The following PPA1 variants were observed in gnomAD, a reference collection of about 807,000 sequenced individuals.
The protein encoded by PPA1 is inorganic pyrophosphatase.
In PPA1, 23 loss-of-function variants were observed where a neutral mutation model predicts 41.8. The ratio of observed to expected loss-of-function variants is 0.55; its 90% CI spans 0.40 to 0.78. The LOEUF is 0.78. Among genes scored for constraint, PPA1 ranks in the 30% least tolerant of loss-of-function variants. PPA1 has a pLI of 0.00. For missense variants in PPA1, 320 were observed against 361.6 expected, an observed-to-expected ratio of 0.89 and a Z score of 0.93; for synonymous variants, 101 against 116.8, an observed-to-expected ratio of 0.86 and a Z score of 0.87.
intron 2 of PPA1, among the ~76,000 whole-genome samples, chr10:70,223,096 G>A (rs1485623306): frequency 6.6e-6 from 1 of 152,096 alleles, no homozygotes; most frequent in East Asian, 1.9e-4. Flanking sequence ...CAGGCGTGGC[G>A]ACTAACGTCT....
Position 70,214,598 on chromosome 10 carries a change from A to C in PPA1, c.298-12T>G. 6.3e-7 allele frequency: 1 copy of C among 1,598,214 alleles called. No individual in the cohort carries two copies. Among genetic ancestry groups the C allele is most frequent in the South Asian group, 1.1e-5 (1 of 90,584 alleles). On this transcript the variant is annotated splice_polypyrimidine_tract_variant and intron_variant, in intron 4 of 10. Coordinates refer to ENST00000373232, the MANE Select transcript of PPA1 (RefSeq NM_021129.4). The stretch of plus-strand genomic sequence containing the variant: ...GGGTCTTCCCAAGTCTAAAAATATA[A>C]GACAGTGTATATCATTCCTATACAT...
chr10:70,210,284 C>T (rs1840002046), intron 6 of PPA1: 2 of 878,442 alleles, frequency 2.3e-6, no homozygotes, highest in African/African-American at 1.7e-5. Context: ...GTCATGTTGC[C>T]CAGGCTGGTC....
chr10:70,221,005 C>T lies in PPA1; in HGVS notation c.124-2188G>A, dbSNP rs59512227. Among the ~76,000 whole-genome samples the T allele has an allele frequency of 6.4e-4, 27 of 42,510 alleles. 1 individual carries two copies. Among genetic ancestry groups the T allele is most frequent in the African/African-American group, 3.3e-3 (25 of 7,522 alleles). 27.9% of individuals were successfully genotyped at this position (42,510 alleles called of 152,430 possible). On this transcript the variant is annotated intron_variant, in intron 2 of 10. Coordinates refer to ENST00000373232, the MANE Select transcript of PPA1 (RefSeq NM_021129.4). ...CTATATATATAATTTATATATATAA[C>T]ATATATATAATTTATATATATAATA...
At position 70,203,252 on chromosome 10, in the gene PPA1, T is replaced by C. The variant is rs944553108; in HGVS notation, c.839-66A>G. The C allele has an allele frequency of 2.3e-6, 3 of 1,318,388 alleles. No individual in the cohort carries two copies. In the African/African-American group the frequency reaches 4.4e-5, roughly 19 times the overall value. The allele number at this position is 1,318,388 out of a possible 1,614,324, so 81.7% of individuals were successfully genotyped here. A position where few individuals can be genotyped will look rare whatever the true frequency, so the allele number is the denominator to read the frequency against. ...GAGAATCAAAAATACACCTAACATATAACAAAGACTAATATACTTGCTTTA... is the reference window on the plus strand; with the variant it reads ...GAGAATCAAAAATACACCTAACATACAACAAAGACTAATATACTTGCTTTA... On this transcript the variant is annotated intron_variant, in intron 10 of 10. Transcript: ENST00000373232.
At chr10:70,210,236 C>T in intron 6 of PPA1, 1 of 476,292 alleles carries the variant, frequency 2.1e-6, no homozygotes, top group Admixed American at 3.1e-5. Flanking sequence ...ATGCACACGC[C>T]CAGCTAATTT....
intron 2 of PPA1, among the ~76,000 whole-genome samples, chr10:70,227,949 A>T (rs536729115): frequency 6.6e-6 from 1 of 152,312 alleles, no homozygotes; most frequent in South Asian, 2.1e-4. Context: ...CAAGTTAATC[A>T]GATTTTTTTT....
chr10:70,212,610 T>C (rs1840033455), intron 6 of PPA1, among the ~76,000 whole-genome samples: 2 of 152,056 alleles, frequency 1.3e-5, no homozygotes, highest in South Asian at 2.1e-4. Context: ...ATTGTACCAG[T>C]CCATGTATAT....
chr10:70,220,419 A>T (rs1216998913), intron 2 of PPA1, among the ~76,000 whole-genome samples: 1 of 135,484 alleles, frequency 7.4e-6, no homozygotes, highest in Non-Finnish European at 1.5e-5. Flanking sequence ...CATCCAGCTA[A>T]TTGTGTGTGT....
chr10:70,214,566 G>A lies in PPA1; in HGVS notation c.318C>T (p.His106=), dbSNP rs780864137. Residue 106 remains histidine (H), a synonymous_variant, in exon 5 of 11, where the codon CAC becomes CAT. Coordinates refer to ENST00000373232, the MANE Select transcript of PPA1 (RefSeq NM_021129.4). ...AIPQTWEDPG[H]NDKHTGCCGD... The stretch of plus-strand genomic sequence containing the variant: ...CACAACAGCCAGTATGTTTATCATT[G>A]TGCCCTGGGTCTTCCCAAGTCTAAA... 5.6e-5 allele frequency: 91 copies of A among 1,613,198 alleles called. No individual in the cohort carries two copies. Among genetic ancestry groups the A allele is most frequent in the Non-Finnish European group, 7.3e-5 (86 of 1,179,504 alleles).
At chr10:70,208,200 C>A (rs927762524) in intron 8 of PPA1, among the ~76,000 whole-genome samples, 2 of 152,088 alleles carry the variant, frequency 1.3e-5, no homozygotes, top group Non-Finnish European at 2.9e-5. Flanking sequence ...CAGAAAACAA[C>A]AACAACAAAG....
intron 2 of PPA1, among the ~76,000 whole-genome samples, chr10:70,222,416 T>C (rs538051568): frequency 1.3e-5 from 2 of 151,806 alleles, no homozygotes; most frequent in South Asian, 2.1e-4. Flanking sequence ...AGTCAATTCA[T>C]TGATTTTTTT....
chr10:70,214,422 A>G, intron 5 of PPA1, 78 bp downstream of exon 5: 2 of 1,136,234 alleles, frequency 1.8e-6, no homozygotes, highest in Non-Finnish European at 2.6e-6. Context: ...TTTTATTCAC[A>G]GTATTTTTTA....
chr10:70,206,341 A>G lies in PPA1; in HGVS notation c.726-8T>C, dbSNP rs777718723. 1 of 1,604,406 alleles carries G rather than the reference A, an allele frequency of 6.2e-7. No individual in the cohort carries two copies. The highest frequency in any genetic ancestry group is 1.3e-5 in the African/African-American group (1 of 74,718). On this transcript the variant is annotated splice_polypyrimidine_tract_variant and splice_region_variant and intron_variant, in intron 8 of 10. Coordinates refer to ENST00000373232, the MANE Select transcript of PPA1 (RefSeq NM_021129.4). The stretch of plus-strand genomic sequence containing the variant: ...GACAAAGTTGTATTCATGCTATTAA[A>G]TAAAACAAAAGTAGTCATAAGACAA...
At chr10:70,223,217 A>AGAG (rs1840194825) in intron 2 of PPA1, among the ~76,000 whole-genome samples, 2 of 148,728 alleles carry the variant, frequency 1.3e-5, no homozygotes, top group African/African-American at 5.0e-5. Context: ...CATTTTTTTA[A>AGAG]AGAGAGAGAG....
At chr10:70,209,418 T>G in intron 7 of PPA1, 128 bp from the exon 8 acceptor site, 1 of 1,310,716 alleles carries the variant, frequency 7.6e-7, no homozygotes, top group Non-Finnish European at 1.0e-6. Context: ...GAAGAGAATA[T>G]TAAAGTGAAT....
intron 2 of PPA1, among the ~76,000 whole-genome samples, chr10:70,226,749 G>C (rs7086157): frequency 0.89 from 135,829 of 151,904 alleles, 60,911 homozygotes; most frequent in East Asian, 1. Flanking sequence ...ATAATTTTGA[G>C]CGTGGAAACT....
intron 7 of PPA1, 102 bp from the exon 8 acceptor site, chr10:70,209,392 C>T: frequency 7.7e-7 from 1 of 1,298,372 alleles, no homozygotes; most frequent in Non-Finnish European, 1.1e-6. Context: ...TGAATCATTT[C>T]CTTATTCTAA....
At chr10:70,230,715 C>T (rs7904230) in intron 1 of PPA1, among the ~76,000 whole-genome samples, 49,920 of 152,090 alleles carry the variant, frequency 0.33, 9,273 homozygotes, top group East Asian at 0.53. Flanking sequence ...GCAGTCTGCC[C>T]ACCTCAGCCT....
At chr10:70,217,493 C>G (rs1395727845) in intron 4 of PPA1, among the ~76,000 whole-genome samples, 1 of 152,050 alleles carries the variant, frequency 6.6e-6, no homozygotes, top group Non-Finnish European at 1.5e-5. Flanking sequence ...TTGACTACTA[C>G]CATACACTCT....
Sources: gnomAD v4.1 joint callset for allele counts (sites outside exome capture counted in the v4.1 genomes callset) on GRCh38, gnomAD v4.1.1 for gene constraint, MANE v1.5 for transcripts, NCBI Gene and HGNC (gene_info 2026-07-23, HGNC 2026-07-21) for gene names.